SNX14: variants seen among roughly 807,000 people sequenced by gnomAD.
SNX14 encodes the protein sorting nexin 14, also known as sorting nexin-14.
SNX14 carries 93 observed loss-of-function variants against 133.8 expected under a neutral mutation model. The ratio of observed to expected loss-of-function variants is 0.70; its 90% CI spans 0.59 to 0.83. The LOEUF (loss-of-function observed/expected upper bound fraction) is 0.83, where lower values mean the gene tolerates loss of function less well. Ranked by LOEUF, SNX14 falls within the 40% of genes least tolerant of loss-of-function variation. The pLI is 0.00. For synonymous variants in SNX14, 368 were observed against 365.6 expected (o/e 1.01, Z -0.07); for missense variants, 945 against 1,094.9 (o/e 0.86, Z 1.93).
chr6:85,520,295 G>A (rs1453319504), intron 21 of SNX14, among the ~76,000 whole-genome samples: 4 of 151,304 alleles, frequency 2.6e-5, no homozygotes, highest in Non-Finnish European at 5.9e-5. Context: ...CACCCACCTC[G>A]GCCTCCTAAA....
At chr6:85,561,818 CT>C (rs1163342929) in intron 6 of SNX14, among the ~76,000 whole-genome samples, 1 of 149,062 alleles carries the variant, frequency 6.7e-6, no homozygotes, top group Non-Finnish European at 1.5e-5. Flanking sequence ...TTGCCTGTTT[CT>C]TTTTTGTTTT....
chr6:85,558,694 A>G (rs1790554653), intron 6 of SNX14, among the ~76,000 whole-genome samples: 1 of 152,010 alleles, frequency 6.6e-6, no homozygotes, highest in African/African-American at 2.4e-5. Context: ...CAACACCTGG[A>G]CTCAAGTAAT....
chr6:85,590,034 G>A (rs1026192331), intron 1 of SNX14, among the ~76,000 whole-genome samples: 1 of 152,186 alleles, frequency 6.6e-6, no homozygotes, highest in Admixed American at 6.5e-5. Flanking sequence ...GGGGTTCTGG[G>A]TGGCCAGGGG....
chr6:85,538,839 GA>G lies in SNX14; in HGVS notation c.1473del (p.Arg492GlyfsTer15). ...LNRGSLSLDD[F>X]RNTQKRGESF... ...AAGAATCACATGCTCAAGACTTACC[GA>G]AAATCATCCAAACTTAGGCTACCTC... is the stretch of plus-strand genomic sequence containing the variant. On this transcript the variant is annotated frameshift_variant and splice_region_variant, in exon 16 of 29. Coordinates refer to ENST00000314673, the MANE Select transcript of SNX14 (RefSeq NM_153816.6). LOFTEE classifies it high-confidence loss of function. 6.3e-7 allele frequency: 1 copy of G among 1,595,646 alleles called. No homozygotes were observed. The highest frequency in any genetic ancestry group is 1.4e-5 in the African/African-American group (1 of 73,740).
At chr6:85,523,148 T>C (rs535022779) in intron 21 of SNX14, among the ~76,000 whole-genome samples, 20 of 152,234 alleles carry the variant, frequency 1.3e-4, no homozygotes, top group African/African-American at 4.8e-4. Context: ...TAAGAAATAA[T>C]ACCGGTAAGT....
intron 8 of SNX14, among the ~76,000 whole-genome samples, chr6:85,548,661 G>C (rs1413852150): frequency 2.0e-5 from 3 of 152,022 alleles, no homozygotes; most frequent in Non-Finnish European, 4.4e-5. Context: ...GAGGAACTTG[G>C]GGGACATTAG....
intron 23 of SNX14, among the ~76,000 whole-genome samples, chr6:85,515,563 T>C (rs543651618): frequency 2.6e-4 from 40 of 152,052 alleles, no homozygotes; most frequent in African/African-American, 9.6e-4. Context: ...GGAAAGTATA[T>C]TCGATTTTAC....
intron 5 of SNX14, 135 bp downstream of exon 5, chr6:85,567,395 CAAAT>C: frequency 1.6e-6 from 1 of 634,082 alleles, no homozygotes; most frequent in Non-Finnish European, 2.7e-6. Flanking sequence ...GCCCCCAAAA[CAAAT>C]AATTATTTTG....
chr6:85,541,457 AT>A (rs1449231693), intron 15 of SNX14, among the ~76,000 whole-genome samples: 1 of 152,196 alleles, frequency 6.6e-6, no homozygotes, highest in Admixed American at 6.5e-5. Flanking sequence ...TGATGTCTGT[AT>A]CAATTTTGTA....
chr6:85,593,799 G>A lies in SNX14; in HGVS notation c.-81C>T. ...CCCCCCATCCACACCTCGCGTCCCC[G>A]CCCCACCGACTTGGCGGCGCACACA... On this transcript the variant is annotated 5_prime_UTR_variant, in exon 1 of 29. Transcript: ENST00000314673. 1.9e-6 allele frequency: 3 copies of A among 1,584,930 alleles called. No individual in the cohort carries two copies. In the South Asian group the frequency reaches 3.4e-5, roughly 18 times the overall value.
At chr6:85,522,979 G>A (rs529791312) in intron 21 of SNX14, among the ~76,000 whole-genome samples, 43 of 152,210 alleles carry the variant, frequency 2.8e-4, no homozygotes, top group Non-Finnish European at 5.9e-5. Flanking sequence ...AGGCTTCCCT[G>A]TTTCCCTAAG....
Position 85,558,006 on chromosome 6 carries a change from T to C in SNX14, c.604A>G (p.Ile202Val), listed in dbSNP as rs1341676058. The C allele has an allele frequency of 1.3e-6, 2 of 1,595,282 alleles. No homozygotes were observed. Among genetic ancestry groups the C allele is most frequent in the Non-Finnish European group, 1.7e-6 (2 of 1,165,512 alleles). Residue 202 changes from isoleucine (I) to valine (V), a missense_variant, in exon 7 of 29, where the codon ATA becomes GTA. By Grantham distance (29) the Ile-to-Val change is conservative. Transcript: ENST00000314673. ...KKLLKAAMKH[I>V]EVIVKARQKV... ...TGTCTGGCTTTAACTATCACTTCTA[T>C]ATGCTTCATTGCTGCTTTTAATAGT...
At chr6:85,571,359 C>CA (rs55696922) in intron 4 of SNX14, among the ~76,000 whole-genome samples, 2,129 of 52,742 alleles carry the variant, frequency 0.04, 60 homozygotes, top group African/African-American at 0.12. Context: ...GACTCCATCT[C>CA]AAAAAAAAAA....
intron 26 of SNX14, among the ~76,000 whole-genome samples, chr6:85,512,832 G>T (rs929750150): frequency 6.6e-6 from 1 of 152,128 alleles, no homozygotes; most frequent in East Asian, 1.9e-4. Flanking sequence ...GGGGGCAGTG[G>T]CTTGCCGTAT....
intron 1 of SNX14, among the ~76,000 whole-genome samples, chr6:85,582,464 A>G (rs968125139): frequency 2.0e-5 from 3 of 152,072 alleles, no homozygotes; most frequent in Non-Finnish European, 4.4e-5. Context: ...CACAAAAAAA[A>G]CCTTCAAAAA....
Position 85,573,555 on chromosome 6 carries a change from T to C in SNX14, c.261+703A>G, listed in dbSNP as rs1299778656. ...AGACCAGAACCTTGCTTTACAGAGA[T>C]AGACTCACCACATTACCACCCTTCA... is the stretch of plus-strand genomic sequence containing the variant. On this transcript the variant is annotated intron_variant, in intron 2 of 28. Coordinates refer to ENST00000314673, the MANE Select transcript of SNX14 (RefSeq NM_153816.6). Among the ~76,000 whole-genome samples the C allele has an allele frequency of 1.8e-4, 27 of 152,322 alleles. 1 individual carries two copies. Among genetic ancestry groups the C allele is most frequent in the Admixed American group, 1.6e-3 (25 of 15,308 alleles).
intron 28 of SNX14, among the ~76,000 whole-genome samples, chr6:85,506,335 T>A (rs1291057815): frequency 6.7e-6 from 1 of 150,120 alleles, no homozygotes; most frequent in Non-Finnish European, 1.5e-5. Flanking sequence ...TTTTTTTTTT[T>A]AGATGGAGTC....
At chr6:85,522,496 G>T (rs1274176512) in intron 21 of SNX14, among the ~76,000 whole-genome samples, 1 of 152,084 alleles carries the variant, frequency 6.6e-6, no homozygotes, top group Non-Finnish European at 1.5e-5. Context: ...CAATATTGCG[G>T]TTTCTAAACA....
At chr6:85,590,693 C>T (rs1011350433) in intron 1 of SNX14, among the ~76,000 whole-genome samples, 34 of 152,216 alleles carry the variant, frequency 2.2e-4, no homozygotes, top group African/African-American at 8.0e-4. Context: ...TATACAATGA[C>T]TTCACTTGTT....
Sources: gnomAD v4.1 joint callset for allele counts (sites outside exome capture counted in the v4.1 genomes callset) on GRCh38, gnomAD v4.1.1 for gene constraint, MANE v1.5 for transcripts, NCBI Gene and HGNC (gene_info 2026-07-23, HGNC 2026-07-21) for gene names.